NTM: variants seen among roughly 807,000 people sequenced by gnomAD.
NTM encodes the protein neurotrimin.
NTM carries 13 observed loss-of-function variants against 42.1 expected under a neutral mutation model. The ratio of observed to expected loss-of-function variants is 0.31; its 90% confidence interval spans 0.20 to 0.49. The LOEUF is 0.49. NTM is among the 20% of genes least tolerant of loss of function. NTM has a pLI of 0.99. For missense variants in NTM, 373 were observed against 452.8 expected (o/e 0.82, Z 1.60); for synonymous variants, 187 against 179.2 (o/e 1.04, Z -0.35).
intron 3 of NTM, among the ~76,000 whole-genome samples, chr11:132,161,280 A>G (rs1000027347): frequency 2.7e-5 from 4 of 150,556 alleles, no homozygotes; most frequent in Admixed American, 1.3e-4. Flanking sequence ...CAGCAGATGG[A>G]CACCCTTCTT....
chr11:131,890,265 A>G (rs1376608581), intron 1 of NTM, among the ~76,000 whole-genome samples: 1 of 151,864 alleles, frequency 6.6e-6, no homozygotes, highest in Non-Finnish European at 1.5e-5. Flanking sequence ...GACACACACC[A>G]TACCCCCTGG....
At position 132,310,035 on chromosome 11, in the gene NTM, C is replaced by T. The variant is rs985834578; in HGVS notation, c.662-77C>T. The stretch of plus-strand genomic sequence containing the variant: ...CATGCCACTGCATTCCAGCCTGAGC[C>T]ACAAGAGCAAGACTCCATCTCAAAA... On this transcript the variant is annotated intron_variant, in intron 5 of 8. Transcript: ENST00000683400. 2.2e-4 allele frequency: 327 copies of T among 1,468,498 alleles called. 1 individual carries two copies. Among genetic ancestry groups the T allele is most frequent in the Admixed American group, 3.4e-4 (13 of 38,726 alleles). 91.0% of individuals were successfully genotyped at this position (1,468,498 alleles called of 1,614,324 possible).
chr11:131,462,411 AAAAC>A (rs1288042757), intron 1 of NTM, among the ~76,000 whole-genome samples: 7 of 152,342 alleles, frequency 4.6e-5, no homozygotes, highest in African/African-American at 7.2e-5. Context: ...TCCGTTTTAA[AAAAC>A]AAACAGTGAC....
intron 1 of NTM, among the ~76,000 whole-genome samples, chr11:131,400,107 C>T (rs1448529015): frequency 6.6e-6 from 1 of 151,718 alleles, no homozygotes; most frequent in East Asian, 1.9e-4. Flanking sequence ...TCTAGCTACC[C>T]TACCCACCCC....
At chr11:131,588,430 C>A (rs1453554829) in intron 1 of NTM, among the ~76,000 whole-genome samples, 1 of 152,212 alleles carries the variant, frequency 6.6e-6, no homozygotes, top group African/African-American at 2.4e-5. Flanking sequence ...TGTAAATTTT[C>A]TTGGCAATGT....
At chr11:131,854,402 G>A (rs553234622) in intron 1 of NTM, among the ~76,000 whole-genome samples, 25 of 152,374 alleles carry the variant, frequency 1.6e-4, no homozygotes, top group African/African-American at 4.3e-4. Context: ...GAGATGTACA[G>A]GATAGCTGGG....
chr11:131,988,339 T>A (rs1249056886), intron 2 of NTM, among the ~76,000 whole-genome samples: 1 of 152,212 alleles, frequency 6.6e-6, no homozygotes, highest in Non-Finnish European at 1.5e-5. Flanking sequence ...AACCTTTCCC[T>A]GAGTTGATTT....
chr11:131,763,709 C>CTCTT (rs2084620795), intron 1 of NTM, among the ~76,000 whole-genome samples: 3 of 71,376 alleles, frequency 4.2e-5, no homozygotes, highest in African/African-American at 1.7e-4. Flanking sequence ...ATCTCTCTCT[C>CTCTT]TTTTTTTTTT....
At chr11:131,555,682 G>A (rs1169996135) in intron 1 of NTM, among the ~76,000 whole-genome samples, 2 of 152,190 alleles carry the variant, frequency 1.3e-5, no homozygotes, top group African/African-American at 4.8e-5. Context: ...GATGGTGTCT[G>A]GGGAGAAGAA....
intron 1 of NTM, among the ~76,000 whole-genome samples, chr11:131,682,247 A>G (rs906153862): frequency 6.6e-5 from 10 of 152,166 alleles, no homozygotes; most frequent in Non-Finnish European, 1.5e-5. Flanking sequence ...CATGCTGTAT[A>G]GCTGAGGAGC....
chr11:132,138,800 G>A (rs1408191262), intron 2 of NTM, among the ~76,000 whole-genome samples: 1 of 152,112 alleles, frequency 6.6e-6, no homozygotes, highest in East Asian at 1.9e-4. Flanking sequence ...GACCCTCAGT[G>A]TATTAGATGG....
intron 2 of NTM, among the ~76,000 whole-genome samples, chr11:131,955,526 A>G (rs1565818937): frequency 6.6e-6 from 1 of 152,196 alleles, no homozygotes; most frequent in Non-Finnish European, 1.5e-5. Context: ...CAGAGAGATA[A>G]ATTATAAATG....
At chr11:132,310,264 ACC>A (rs769741266) in intron 6 of NTM, 32 bp downstream of exon 6, 1 of 1,541,186 alleles carries the variant, frequency 6.5e-7, no homozygotes, top group East Asian at 2.4e-5. Flanking sequence ...TCCCACCCCT[ACC>A]CCCATCTCCA....
chr11:132,114,642 G>T (rs747732921), intron 2 of NTM, among the ~76,000 whole-genome samples: 14 of 152,116 alleles, frequency 9.2e-5, no homozygotes, highest in Non-Finnish European at 1.8e-4. Context: ...TGAAATTAAT[G>T]TTTGCATTTT....
At chr11:131,676,904 G>A (rs917104454) in intron 1 of NTM, among the ~76,000 whole-genome samples, 5 of 152,182 alleles carry the variant, frequency 3.3e-5, no homozygotes, top group Admixed American at 1.3e-4. Flanking sequence ...GCCTCACGAC[G>A]GACCTGTCCA....
chr11:131,413,306 T>C (rs1416775363), intron 1 of NTM, among the ~76,000 whole-genome samples: 1 of 152,254 alleles, frequency 6.6e-6, no homozygotes, highest in Non-Finnish European at 1.5e-5. Context: ...TGATTGCCTT[T>C]AAATAGCATT....
intron 2 of NTM, among the ~76,000 whole-genome samples, chr11:131,936,503 A>C (rs931553966): frequency 2.0e-5 from 3 of 152,172 alleles, no homozygotes; most frequent in Admixed American, 2.0e-4. Context: ...GAGGGTGGGT[A>C]GGAGGTGAGG....
At chr11:131,598,336 T>C (rs1326167319) in intron 1 of NTM, among the ~76,000 whole-genome samples, 1 of 152,194 alleles carries the variant, frequency 6.6e-6, no homozygotes, top group African/African-American at 2.4e-5. Context: ...ATTTCCGTGT[T>C]CCCAAGTGGA....
At chr11:131,442,191 C>T (rs933395169) in intron 1 of NTM, among the ~76,000 whole-genome samples, 3 of 152,118 alleles carry the variant, frequency 2.0e-5, no homozygotes, top group Non-Finnish European at 4.4e-5. Context: ...CATGGGAACC[C>T]GTGATTGTGG....
Sources: gnomAD v4.1 joint callset for allele counts (sites outside exome capture counted in the v4.1 genomes callset) on GRCh38, gnomAD v4.1.1 for gene constraint, MANE v1.5 for transcripts, NCBI Gene and HGNC (gene_info 2026-07-23, HGNC 2026-07-21) for gene names.